MATN2: variants seen among roughly 807,000 people sequenced by gnomAD.
MATN2 encodes matrilin-2.
A neutral mutation model predicts 103.2 loss-of-function variants in MATN2; 69 were observed. The ratio of observed to expected loss-of-function variants is 0.67; its 90% CI spans 0.55 to 0.82. The LOEUF (loss-of-function observed/expected upper bound fraction) is 0.82, where lower values mean the gene tolerates loss of function less well. MATN2 is among the 40% of genes least tolerant of loss of function. MATN2 has a pLI of 0.00. For synonymous variants in MATN2, 429 were observed against 450.2 expected (o/e 0.95, Z 0.60); for missense variants, 1,023 against 1,211.5 (o/e 0.84, Z 2.31).
chr8:97,933,955 T>A (rs1031244491), intron 3 of MATN2, among the ~76,000 whole-genome samples: 3 of 152,222 alleles, frequency 2.0e-5, no homozygotes, highest in East Asian at 3.8e-4. Flanking sequence ...AGCACACTCT[T>A]GCCACTCTCT....
intron 2 of MATN2, among the ~76,000 whole-genome samples, chr8:97,911,020 G>T (rs1048752022): frequency 6.6e-6 from 1 of 152,028 alleles, no homozygotes; most frequent in Non-Finnish European, 1.5e-5. Context: ...ACGTAGTCTA[G>T]CTCTCTTGCC....
intron 5 of MATN2, among the ~76,000 whole-genome samples, chr8:97,965,961 G>T (rs1181320742): frequency 6.6e-6 from 1 of 152,064 alleles, no homozygotes; most frequent in African/African-American, 2.4e-5. Flanking sequence ...TCCAGCCTGG[G>T]CAACAAGAGC....
At chr8:97,913,567 G>A (rs978318313) in intron 2 of MATN2, among the ~76,000 whole-genome samples, 3 of 151,342 alleles carry the variant, frequency 2.0e-5, no homozygotes, top group African/African-American at 4.9e-5. Flanking sequence ...TGCCTTCCTC[G>A]GCCTCTCAGA....
At position 98,007,134 on chromosome 8, in the gene MATN2, G is replaced by A. The variant is rs1444494527; in HGVS notation, c.1357G>A (p.Gly453Ser). 3 of 1,612,632 alleles carry A rather than the reference G, an allele frequency of 1.9e-6. No homozygotes were observed. The highest frequency in any genetic ancestry group is 1.7e-6 in the Non-Finnish European group (2 of 1,179,344). ...RVDHCAQQDH[G>S]CEQLCLNTED... is the part of the protein sequence containing the mutation. ...GGACCACTGTGCACAGCAGGACCATGGCTGTGAGCAGCTGTGTCTGAACAC... is the reference window on the plus strand; with the variant it reads ...GGACCACTGTGCACAGCAGGACCATAGCTGTGAGCAGCTGTGTCTGAACAC... The change falls in exon 9 of 19, where the codon GGC (glycine) becomes AGC (serine). Residue 453 changes from glycine to serine, a missense_variant. Gly to Ser is a moderately conservative substitution (Grantham distance 56). Coordinates refer to ENST00000254898, the MANE Select transcript of MATN2 (RefSeq NM_002380.5). The surrounding 1 kb of genome is among the most constrained non-coding windows in gnomAD (Gnocchi z 4.2).
intron 2 of MATN2, among the ~76,000 whole-genome samples, chr8:97,907,585 G>A (rs1169511298): frequency 1.3e-5 from 2 of 150,888 alleles, no homozygotes; most frequent in Non-Finnish European, 2.9e-5. Flanking sequence ...GCCTCCCAAA[G>A]TGCTGGGATT....
chr8:97,891,526 C>A (rs1818628042), intron 2 of MATN2, among the ~76,000 whole-genome samples: 1 of 151,928 alleles, frequency 6.6e-6, no homozygotes, highest in Non-Finnish European at 1.5e-5. Context: ...TTTGTAGAGA[C>A]AGGGTTTCGC....
chr8:97,970,021 T>A (rs918560610), intron 5 of MATN2, among the ~76,000 whole-genome samples: 1 of 152,184 alleles, frequency 6.6e-6, no homozygotes, highest in African/African-American at 2.4e-5. Context: ...CAGGGAAGAA[T>A]TCAAGGGCAA....
intron 2 of MATN2, among the ~76,000 whole-genome samples, chr8:97,912,526 A>G (rs1586406262): frequency 6.6e-6 from 1 of 152,336 alleles, no homozygotes; most frequent in East Asian, 1.9e-4. Context: ...TCTGCCAAGT[A>G]AGAATGGAGG....
At chr8:97,927,673 A>T (rs1243130293) in intron 2 of MATN2, among the ~76,000 whole-genome samples, 6 of 152,214 alleles carry the variant, frequency 3.9e-5, no homozygotes, top group Admixed American at 2.6e-4. Flanking sequence ...AACCTCCAAC[A>T]ACATTTTGAA....
Position 98,000,741 on chromosome 8 carries a change from C to T in MATN2, c.1205-2920C>T, listed in dbSNP as rs955426322. The stretch of plus-strand genomic sequence containing the variant: ...GCAGCTATGATGCTATGATTATCAT[C>T]ACTAATGTAACTATCAGACTGCCAC... On this transcript the variant is annotated intron_variant, in intron 7 of 18. Coordinates refer to ENST00000254898, the MANE Select transcript of MATN2 (RefSeq NM_002380.5). 9.9e-5 allele frequency among the ~76,000 whole-genome samples: 15 copies of T among 152,276 alleles called. No individual in the cohort carries two copies. In the South Asian group the frequency reaches 1.0e-3, roughly 11 times the overall value.
intron 1 of MATN2, among the ~76,000 whole-genome samples, chr8:97,875,693 T>G (rs1457884228): frequency 7.9e-6 from 1 of 126,088 alleles, no homozygotes; most frequent in Non-Finnish European, 1.7e-5. Flanking sequence ...TTTGCCTGTT[T>G]TTTTTTTTTT....
chr8:97,918,928 A>ATCT (rs1346221297), intron 2 of MATN2, among the ~76,000 whole-genome samples: 1 of 152,194 alleles, frequency 6.6e-6, no homozygotes, highest in Non-Finnish European at 1.5e-5. Flanking sequence ...AACAGTGCCT[A>ATCT]TCTTCTTTAT....
chr8:97,939,452 A>G (rs1810481620), intron 3 of MATN2, among the ~76,000 whole-genome samples: 1 of 152,180 alleles, frequency 6.6e-6, no homozygotes, highest in Non-Finnish European at 1.5e-5. Flanking sequence ...TGAAAGCTGA[A>G]AAAGAAGGCA....
At position 98,025,872 on chromosome 8, in the gene MATN2, G is replaced by A. The variant is rs571056573; in HGVS notation, c.1943-1544G>A. 12 of 329,046 alleles carry A rather than the reference G, an allele frequency of 3.6e-5. No homozygotes were observed. In the East Asian group the frequency reaches 1.1e-3, roughly 31 times the overall value. The allele number at this position is 329,046 out of a possible 1,614,324, so 20.4% of individuals were successfully genotyped here. On this transcript the variant is annotated intron_variant, in intron 13 of 18. Coordinates refer to ENST00000254898, the MANE Select transcript of MATN2 (RefSeq NM_002380.5). ...AAAGCTTTTATTTCTGCTTACTATC[G>A]ACCATCTATTAATAGTTGCCTGAGA...
intron 2 of MATN2, among the ~76,000 whole-genome samples, chr8:97,897,989 CT>C (rs1818868172): frequency 6.6e-6 from 1 of 152,060 alleles, no homozygotes; most frequent in South Asian, 2.1e-4. Flanking sequence ...TCCCTTTCTC[CT>C]TTGTGTGAAA....
At chr8:98,021,109 A>G in intron 12 of MATN2, 96 bp from the exon 13 acceptor site, 1 of 1,245,286 alleles carries the variant, frequency 8.0e-7, no homozygotes, top group Non-Finnish European at 1.1e-6. Context: ...TATTTTCTTT[A>G]AAAGAGATTA....
At chr8:97,960,422 A>G (rs1811271866) in intron 4 of MATN2, among the ~76,000 whole-genome samples, 1 of 152,188 alleles carries the variant, frequency 6.6e-6, no homozygotes, top group Non-Finnish European at 1.5e-5. Context: ...TGAGTCAGTG[A>G]TGGATGGAAG....
At chr8:98,001,131 C>A (rs1322306440) in intron 7 of MATN2, among the ~76,000 whole-genome samples, 1 of 152,164 alleles carries the variant, frequency 6.6e-6, no homozygotes, top group Non-Finnish European at 1.5e-5. Flanking sequence ...CAGATCATTT[C>A]CCCTGTATCA....
chr8:97,978,963 T>C lies in MATN2; in HGVS notation c.1036T>C (p.Cys346Arg). The C allele has an allele frequency of 1.2e-6, 2 of 1,613,510 alleles. No homozygotes were observed. The highest frequency in any genetic ancestry group is 1.7e-6 in the Non-Finnish European group (2 of 1,179,578). Residue 346 changes from cysteine (C) to arginine (R), a missense_variant, in exon 6 of 19, where the codon TGC (cysteine) becomes CGC (arginine). Physicochemically the swap from Cys to Arg is radical, Grantham distance 180 (BLOSUM62 -3). Coordinates refer to ENST00000254898, the MANE Select transcript of MATN2 (RefSeq NM_002380.5). ...VNADGSYLCQ[C>R]HEGFALNPDK... ...TGCTGATGGCTCCTACCTTTGCCAG[T>C]GCCATGAAGGATTTGCTCTTAACCC... is the stretch of plus-strand genomic sequence containing the variant.
Sources: allele counts gnomAD v4.1 joint callset (sites outside exome capture counted in the v4.1 genomes callset), GRCh38; gene constraint gnomAD v4.1.1; non-coding constraint Gnocchi (gnomAD v3.1); transcripts MANE v1.5; gene names NCBI Gene and HGNC (gene_info 2026-07-23, HGNC 2026-07-21).